The following DPP6 variants were observed in gnomAD, a reference collection of about 807,000 sequenced individuals.
DPP6 encodes A-type potassium channel modulatory protein DPP6.
Under a neutral mutation model 122.6 loss-of-function variants are expected in DPP6, and 69 were observed. That is an observed-to-expected ratio of 0.56 (90% confidence interval 0.46 to 0.69). The LOEUF (loss-of-function observed/expected upper bound fraction) is 0.69. Ranked by LOEUF, DPP6 falls within the 30% of genes least tolerant of loss-of-function variation. DPP6 has a pLI of 0.00. For synonymous variants in DPP6, 418 were observed against 433.1 expected, an observed-to-expected ratio of 0.97 and a Z score of 0.43; for missense variants, 928 against 1,116.9, an observed-to-expected ratio of 0.83 and a Z score of 2.41.
chr7:154,503,119 A>G (rs1825386246), intron 3 of DPP6, among the ~76,000 whole-genome samples: 1 of 152,148 alleles, frequency 6.6e-6, no homozygotes, highest in South Asian at 2.1e-4. Flanking sequence ...AAAATTGGAG[A>G]TCAGAGAGTT....
At chr7:154,272,358 A>G (rs1803850900) in intron 1 of DPP6, among the ~76,000 whole-genome samples, 2 of 152,136 alleles carry the variant, frequency 1.3e-5, no homozygotes, top group Non-Finnish European at 2.9e-5. Context: ...TCCTTTTGGG[A>G]CAGCTGTGGA....
intron 6 of DPP6, among the ~76,000 whole-genome samples, chr7:154,647,695 T>A (rs1169665606): frequency 2.6e-5 from 4 of 152,220 alleles, no homozygotes; most frequent in Non-Finnish European, 5.9e-5. Flanking sequence ...ACGCCAGATG[T>A]TACAGGTCAC....
At chr7:154,175,742 C>T (rs903757242) in intron 1 of DPP6, among the ~76,000 whole-genome samples, 2 of 116,128 alleles carry the variant, frequency 1.7e-5, no homozygotes, top group South Asian at 2.9e-4. Flanking sequence ...TTTTTTGAGG[C>T]GGAGTCTCGG....
intron 1 of DPP6, among the ~76,000 whole-genome samples, chr7:154,255,260 C>T (rs2150903815): frequency 6.6e-6 from 1 of 152,206 alleles, no homozygotes; most frequent in African/African-American, 2.4e-5. Flanking sequence ...AACTGAAGGT[C>T]ACATTCTGGA....
chr7:154,211,569 AC>A (rs1799742991), intron 1 of DPP6, among the ~76,000 whole-genome samples: 1 of 152,150 alleles, frequency 6.6e-6, no homozygotes, highest in Non-Finnish European at 1.5e-5. Context: ...GTGTTTGCTG[AC>A]CTTTTCACCA....
intron 1 of DPP6, among the ~76,000 whole-genome samples, chr7:154,127,638 C>CACACACACACACACACACAG (rs1808014044): frequency 9.2e-6 from 1 of 109,100 alleles, no homozygotes; most frequent in African/African-American, 4.3e-5. Flanking sequence ...CACACAGACA[C>CACACACACACACACACACAG]ACACACACAC....
At chr7:154,546,570 C>A (rs983155741) in intron 4 of DPP6, among the ~76,000 whole-genome samples, 2 of 149,770 alleles carry the variant, frequency 1.3e-5, no homozygotes, top group Admixed American at 6.6e-5. Context: ...TTACTAATTT[C>A]TTTGTTTTAA....
intron 1 of DPP6, chr7:154,058,132 C>A (rs1453842303): frequency 6.8e-6 from 1 of 147,124 alleles, no homozygotes; most frequent in Admixed American, 6.8e-5. Context: ...CCCTCTTCCC[C>A]CCCCTGGCTC....
Position 154,802,085 on chromosome 7 carries a change from G to A in DPP6, c.1407+623G>A, listed in dbSNP as rs533581088. Among the ~76,000 whole-genome samples, 127 of 152,084 alleles carry A rather than the reference G, an allele frequency of 8.4e-4. 1 individual carries two copies. The highest frequency in any genetic ancestry group is 2.9e-3 in the African/African-American group (121 of 41,500). The stretch of plus-strand genomic sequence containing the variant: ...TCAGGGAGCCTCACGCCTGCAGGAC[G>A]GGGCTGCCATGGTGTTGACTTTGGG... On this transcript the variant is annotated intron_variant, in intron 13 of 25. Coordinates refer to ENST00000377770, the MANE Select transcript of DPP6 (RefSeq NM_130797.4).
chr7:154,446,454 A>G, intron 2 of DPP6, 126 bp downstream of exon 2: 1 of 560,368 alleles, frequency 1.8e-6, no homozygotes. Context: ...AATTCTCACT[A>G]TGCCATATGA....
At chr7:154,668,220 A>ATATATATATATATATATATATATATATAT (rs59348250) in intron 6 of DPP6, among the ~76,000 whole-genome samples, 329 of 24,838 alleles carry the variant, frequency 0.013, 17 homozygotes, top group Middle Eastern at 0.059. Flanking sequence ...TATATATATA[A>ATATATATATATATATATATATATATATAT]TATACACATT....
chr7:154,686,044 G>C (rs1839577144), intron 7 of DPP6, among the ~76,000 whole-genome samples: 1 of 152,200 alleles, frequency 6.6e-6, no homozygotes. Context: ...ACTAACTTGT[G>C]ATAACAGCGG....
intron 6 of DPP6, among the ~76,000 whole-genome samples, chr7:154,663,257 T>C (rs1224921858): frequency 5.2e-4 from 32 of 61,228 alleles, no homozygotes; most frequent in Middle Eastern, 9.6e-3. Flanking sequence ...CATGGCGTAT[T>C]GGCCGTAGTG....
intron 1 of DPP6, among the ~76,000 whole-genome samples, chr7:153,899,999 G>T (rs2128997847): frequency 6.6e-6 from 1 of 152,284 alleles, no homozygotes; most frequent in East Asian, 1.9e-4. Context: ...TCTAGAGAGT[G>T]GTTCCCAACA....
rs1346525561 is a variant in DPP6, at chr7:153,966,536, C to T, written c.51+78802C>T. ...TGCTCCAGAGAAGGAAGTAATTAAA[C>T]GGTCTGTCCTGTGTTGGCTTTTTTT... On this transcript the variant is annotated intron_variant, in intron 1 of 25. Transcript: ENST00000404039. Among the ~76,000 whole-genome samples, 201 of 113,492 alleles carry T rather than the reference C, an allele frequency of 1.8e-3. 3 individuals are homozygous for T. The highest frequency in any genetic ancestry group is 2.7e-3 in the Non-Finnish European group (156 of 58,588). 74.5% of individuals were successfully genotyped at this position (113,492 alleles called of 152,430 possible). A position where few individuals can be genotyped will look rare whatever the true frequency, so the allele number is the denominator to read the frequency against.
chr7:154,249,231 A>G (rs991850359), intron 1 of DPP6, among the ~76,000 whole-genome samples: 2 of 152,224 alleles, frequency 1.3e-5, no homozygotes, highest in Non-Finnish European at 2.9e-5. Flanking sequence ...TCTCTCTTTC[A>G]ACATATTAGC....
chr7:154,402,842 C>T (rs1439322069), intron 1 of DPP6, among the ~76,000 whole-genome samples: 1 of 151,858 alleles, frequency 6.6e-6, no homozygotes, highest in Admixed American at 6.6e-5. Flanking sequence ...TTTCCCAATA[C>T]TGTTATTGGG....
intron 6 of DPP6, among the ~76,000 whole-genome samples, chr7:154,653,690 G>A (rs28675785): frequency 0.13 from 19,412 of 152,122 alleles, 1,309 homozygotes; most frequent in African/African-American, 0.18. Flanking sequence ...AGTGGCACAA[G>A]CATCATCTCA....
intron 4 of DPP6, among the ~76,000 whole-genome samples, chr7:154,555,685 C>T (rs972545720): frequency 2.0e-5 from 3 of 151,770 alleles, no homozygotes; most frequent in South Asian, 2.1e-4. Flanking sequence ...CTTAATATGG[C>T]TAAATACAAG....
Sources: gnomAD v4.1 joint callset for allele counts (sites outside exome capture counted in the v4.1 genomes callset) on GRCh38, gnomAD v4.1.1 for gene constraint, MANE v1.5 for transcripts, NCBI Gene and HGNC (gene_info 2026-07-23, HGNC 2026-07-21) for gene names.